Variants in SMARCC1 observed in about 807,000 individuals in gnomAD.
SMARCC1 encodes the protein SWI/SNF related BAF chromatin remodeling complex subunit C1.
A neutral mutation model predicts 147.4 loss-of-function variants in SMARCC1; 43 were observed. That is an observed-to-expected ratio of 0.29 (90% CI 0.23 to 0.38). SMARCC1 has a LOEUF of 0.38. Among genes scored for constraint, SMARCC1 ranks in the 10% least tolerant of loss-of-function variants. The probability of loss-of-function intolerance (pLI) is 1.00; values close to 1 mark genes in which losing one functional copy is unlikely to be tolerated. For missense variants in SMARCC1, 1,119 were observed against 1,381.1 expected, an observed-to-expected ratio of 0.81 and a Z score of 3.01; for synonymous variants, 495 against 484.4, an observed-to-expected ratio of 1.02 and a Z score of -0.29.
At chr3:47,689,291 C>A in intron 13 of SMARCC1, 96 bp downstream of exon 13, 1 of 1,009,578 alleles carries the variant, frequency 9.9e-7, no homozygotes, top group Non-Finnish European at 1.5e-6. Context: ...GCTTCATAGT[C>A]CAAAAATTGG....
intron 18 of SMARCC1, among the ~76,000 whole-genome samples, chr3:47,672,773 TTTC>T (rs750773110): frequency 4.4e-4 from 67 of 151,624 alleles, no homozygotes; most frequent in Non-Finnish European, 7.1e-4. Context: ...TAAGTCAATG[TTTC>T]TTCTTCTTCT....
chr3:47,590,608 C>T, intron 27 of SMARCC1, 53 bp downstream of exon 27: 3 of 1,417,778 alleles, frequency 2.1e-6, no homozygotes, highest in Non-Finnish European at 2.8e-6. Context: ...CCCTTATCTA[C>T]AGCCCTCCAG....
chr3:47,698,311 G>A (rs1205714622), intron 11 of SMARCC1, among the ~76,000 whole-genome samples: 1 of 152,046 alleles, frequency 6.6e-6, no homozygotes, highest in Non-Finnish European at 1.5e-5. Flanking sequence ...AAAGCTTCCT[G>A]AAATTGATGA....
rs977512153 is a variant in SMARCC1, at chr3:47,586,300, G to A, written c.*1909C>T. 2.5e-4 allele frequency: 38 copies of A among 152,330 alleles called. No homozygotes were observed. Among genetic ancestry groups the A allele is most frequent in the African/African-American group, 7.9e-4 (33 of 41,576 alleles). The allele number at this position is 152,330 out of a possible 1,614,324, so 9.4% of individuals were successfully genotyped here. On this transcript the variant is annotated 3_prime_UTR_variant, in exon 28 of 28. Coordinates refer to ENST00000254480, the MANE Select transcript of SMARCC1 (RefSeq NM_003074.4). ...CCTTCTCGGACTCCAGGGGAAAAAAGAAGTATTTGGAATGAGTTTCCTTTG... is the reference window on the plus strand; with the variant it reads ...CCTTCTCGGACTCCAGGGGAAAAAAAAAGTATTTGGAATGAGTTTCCTTTG...
intron 25 of SMARCC1, among the ~76,000 whole-genome samples, chr3:47,612,547 G>C (rs1208499254): frequency 6.6e-6 from 1 of 152,118 alleles, no homozygotes; most frequent in Non-Finnish European, 1.5e-5. Context: ...GCCTTTCTTT[G>C]AGGGCTTACC....
Position 47,693,223 on chromosome 3 carries a change from T to C in SMARCC1, c.1225+18A>G, listed in dbSNP as rs753646766. 1.4e-6 allele frequency: 2 copies of C among 1,426,518 alleles called. No homozygotes were observed. The highest frequency in any genetic ancestry group is 9.9e-7 in the Non-Finnish European group (1 of 1,009,900). The allele number at this position is 1,426,518 out of a possible 1,614,324, so 88.4% of individuals were successfully genotyped here. ...AAGACAGAAAGCACAGACCAGTGTA[T>C]AGATTTTAGGTGCTTACCTAGATCC... On this transcript the variant is annotated intron_variant, in intron 12 of 27. Transcript: ENST00000254480.
chr3:47,664,400 C>T (rs1313558340), intron 19 of SMARCC1, among the ~76,000 whole-genome samples: 1 of 152,128 alleles, frequency 6.6e-6, no homozygotes, highest in South Asian at 2.1e-4. Context: ...AATACAATTC[C>T]AGTCAAACTC....
chr3:47,753,731 A>AAAAAG (rs1167770023), intron 2 of SMARCC1, among the ~76,000 whole-genome samples: 2 of 151,628 alleles, frequency 1.3e-5, no homozygotes, highest in East Asian at 3.9e-4. Context: ...AAAAAAAAAA[A>AAAAAG]AAGACAAAGT....
rs2106798202 is a variant in SMARCC1 at position 47,710,666 on chromosome 3, T to C, written c.918+17A>G. 1.9e-6 allele frequency: 3 copies of C among 1,611,372 alleles called. No individual in the cohort carries two copies. Among genetic ancestry groups the C allele is most frequent in the Non-Finnish European group, 2.5e-6 (3 of 1,178,994 alleles). ...GAAGACAGACTTAATGATGAGAAAC[T>C]GTGCCAAAGAAAATACCTCTTCATT... On this transcript the variant is annotated intron_variant, in intron 9 of 27. Coordinates refer to ENST00000254480, the MANE Select transcript of SMARCC1 (RefSeq NM_003074.4).
chr3:47,713,668 C>T (rs1169021463), intron 8 of SMARCC1, among the ~76,000 whole-genome samples: 1 of 152,050 alleles, frequency 6.6e-6, no homozygotes, highest in Non-Finnish European at 1.5e-5. Context: ...GTTGTTATTA[C>T]AGGTGTGAGC....
intron 17 of SMARCC1, among the ~76,000 whole-genome samples, chr3:47,675,811 G>A (rs1434949572): frequency 1.3e-5 from 2 of 151,972 alleles, no homozygotes; most frequent in African/African-American, 2.4e-5. Flanking sequence ...CGGGCGTGGT[G>A]GCACGTGCCT....
intron 6 of SMARCC1, among the ~76,000 whole-genome samples, chr3:47,727,235 A>G (rs1375595542): frequency 6.8e-6 from 1 of 147,394 alleles, no homozygotes; most frequent in Non-Finnish European, 1.5e-5. Context: ...CTGGCCGGGC[A>G]CGGTGGCTAA....
At chr3:47,674,115 T>C (rs2106753267) in intron 18 of SMARCC1, among the ~76,000 whole-genome samples, 1 of 152,372 alleles carries the variant, frequency 6.6e-6, no homozygotes, top group South Asian at 2.1e-4. Flanking sequence ...TAACAGTTTA[T>C]TCAATTTAAT....
intron 24 of SMARCC1, among the ~76,000 whole-genome samples, chr3:47,629,259 T>G (rs1323243298): frequency 6.6e-6 from 1 of 152,146 alleles, no homozygotes; most frequent in Non-Finnish European, 1.5e-5. Flanking sequence ...AAGTTGTAAA[T>G]AGGAACCACT....
intron 21 of SMARCC1, among the ~76,000 whole-genome samples, chr3:47,654,507 C>T (rs1160730133): frequency 1.3e-5 from 2 of 152,194 alleles, no homozygotes; most frequent in African/African-American, 2.4e-5. Context: ...ATAATTTGCG[C>T]AGAGGACTGG....
Position 47,705,442 on chromosome 3 carries a change from G to C in SMARCC1, c.1040+967C>G, listed in dbSNP as rs983296544. Reference sequence around the variant, plus strand: ...TAATATGTGTGGGCTCAAAAACTAAGTTTTTAAAGGTTTTTTGATGAGTGT... The same window carrying C: ...TAATATGTGTGGGCTCAAAAACTAACTTTTTAAAGGTTTTTTGATGAGTGT... On this transcript the variant is annotated intron_variant, in intron 10 of 27. Transcript: ENST00000254480. Among the ~76,000 whole-genome samples the C allele has an allele frequency of 3.9e-5, 6 of 151,922 alleles. No homozygotes were observed. In the East Asian group the frequency reaches 1.2e-3, roughly 29 times the overall value.
rs374577627 is a variant in SMARCC1 at position 47,701,265 on chromosome 3, G to A, written c.1165+13C>T. ...AAATTAAATCTAACACTCTCATGCA[G>A]AAGAATACAAACCATTTTTGGGAAG... On this transcript the variant is annotated intron_variant, in intron 11 of 27. Transcript: ENST00000254480. 14 of 1,610,326 alleles carry A rather than the reference G, an allele frequency of 8.7e-6. No homozygotes were observed. The highest frequency in any genetic ancestry group is 1.1e-5 in the Non-Finnish European group (13 of 1,177,246).
chr3:47,713,347 A>G (rs1276560637), intron 8 of SMARCC1, among the ~76,000 whole-genome samples: 3 of 151,676 alleles, frequency 2.0e-5, no homozygotes, highest in Non-Finnish European at 2.9e-5. Context: ...ATAAATAAAT[A>G]AATAAATAAA....
intron 25 of SMARCC1, among the ~76,000 whole-genome samples, chr3:47,621,298 CAAA>C (rs1183934374): frequency 1.6e-5 from 1 of 63,190 alleles, no homozygotes. Context: ...GACTCCGTCT[CAAA>C]AAAAAAAAAA....
Sources: allele counts gnomAD v4.1 joint callset (sites outside exome capture counted in the v4.1 genomes callset), GRCh38; gene constraint gnomAD v4.1.1; transcripts MANE v1.5; gene names NCBI Gene and HGNC (gene_info 2026-07-23, HGNC 2026-07-21).